ETS1: variants seen among roughly 807,000 people sequenced by gnomAD.
The protein encoded by ETS1 is ETS proto-oncogene 1, transcription factor.
A neutral mutation model predicts 58.6 loss-of-function variants in ETS1; 15 were observed. That is an observed-to-expected ratio of 0.26 (90% CI 0.17 to 0.39). The LOEUF is 0.39. Ranked by LOEUF, ETS1 falls within the 10% of genes least tolerant of loss-of-function variation. The pLI, the probability that ETS1 is intolerant of heterozygous loss-of-function variation, is 1.00. For missense variants in ETS1, 417 were observed against 610.5 expected (o/e 0.68, Z 3.34); for synonymous variants, 214 against 218.2 (o/e 0.98, Z 0.17).
intron 3 of ETS1, among the ~76,000 whole-genome samples, chr11:128,490,935 G>C (rs1376648335): frequency 1.3e-5 from 2 of 151,814 alleles, no homozygotes; most frequent in African/African-American, 4.8e-5. Context: ...GGCCAGGCTG[G>C]TCTCGAGCTC....
At chr11:128,559,375 G>C (rs184110398) in intron 2 of ETS1, among the ~76,000 whole-genome samples, 70 of 152,332 alleles carry the variant, frequency 4.6e-4, no homozygotes, top group Non-Finnish European at 1.2e-4. Context: ...CCATATTGTA[G>C]GTCAACTCAC....
At chr11:128,475,882 T>TTGTGTGTG (rs61450075) in intron 8 of ETS1, among the ~76,000 whole-genome samples, 21,624 of 149,780 alleles carry the variant, frequency 0.14, 1,978 homozygotes, top group East Asian at 0.43. Flanking sequence ...ACTAGTACCT[T>TTGTGTGTG]TGTGTGTGTG....
intron 7 of ETS1, among the ~76,000 whole-genome samples, chr11:128,481,409 T>TA (rs1862482205): frequency 7.9e-6 from 1 of 125,982 alleles, no homozygotes; most frequent in Non-Finnish European, 1.6e-5. Context: ...AAAATGCCAC[T>TA]AAAAAGGAGG....
intron 8 of ETS1, among the ~76,000 whole-genome samples, chr11:128,468,825 C>A (rs1336616832): frequency 1.3e-5 from 2 of 152,272 alleles, no homozygotes; most frequent in South Asian, 2.1e-4. Context: ...TAGCACAGTG[C>A]CTCACCAACA....
In ETS1 at chr11:128,462,568, C is replaced by T. The variant is rs779615012; in HGVS notation, c.1251G>A (p.Arg417=). The T allele has an allele frequency of 1.1e-5, 18 of 1,613,352 alleles. No homozygotes were observed. Among genetic ancestry groups the T allele is most frequent in the Non-Finnish European group, 1.4e-5 (17 of 1,179,428 alleles). Residue 417 remains arginine, a synonymous_variant, in exon 10 of 10, where the codon AGG becomes AGA. Coordinates refer to ENST00000392668, the MANE Select transcript of ETS1 (RefSeq NM_001143820.2). The part of the protein sequence containing the change: ...FKLSDPDEVA[R]RWGKRKNKPK... ...GTTTGTTTTTCCTCTTTCCCCATCT[C>T]CTGGCCACCTGAAATTTAAAAAGAA... is the stretch of plus-strand genomic sequence containing the variant.
rs576420774 is a variant in ETS1, at chr11:128,526,870, C to G, written c.214+29421G>C. 2.0e-4 allele frequency: 91 copies of G among 454,970 alleles called. 1 individual carries two copies. Among genetic ancestry groups the G allele is most frequent in the African/African-American group, 1.6e-3 (81 of 50,114 alleles). 28.2% of individuals were successfully genotyped at this position (454,970 alleles called of 1,614,324 possible). A position where few individuals can be genotyped will look rare whatever the true frequency, so the allele number is the denominator to read the frequency against. On this transcript the variant is annotated intron_variant, in intron 3 of 9. Transcript: ENST00000392668. ...GGGAGTTTATCAGTGCTCTCCAAGT[C>G]CAGCACTCCTATTTACCAGAGGTGA... is the stretch of plus-strand genomic sequence containing the variant.
chr11:128,498,554 G>A (rs1863003271), intron 3 of ETS1, among the ~76,000 whole-genome samples: 2 of 152,162 alleles, frequency 1.3e-5, no homozygotes, highest in Non-Finnish European at 2.9e-5. Flanking sequence ...CACCTAAGAT[G>A]CCTTTTGGTT....
chr11:128,531,118 C>G (rs1863890770), intron 3 of ETS1, among the ~76,000 whole-genome samples: 2 of 152,174 alleles, frequency 1.3e-5, no homozygotes, highest in South Asian at 4.1e-4. Context: ...TAAATTTAAA[C>G]TCTAAAATAA....
intron 3 of ETS1, among the ~76,000 whole-genome samples, chr11:128,522,615 C>A (rs993870803): frequency 6.6e-6 from 1 of 152,296 alleles, no homozygotes; most frequent in African/African-American, 2.4e-5. Flanking sequence ...CGGGAAGGGC[C>A]GGGAGCGGGT....
intron 7 of ETS1, among the ~76,000 whole-genome samples, chr11:128,482,451 A>G (rs1193817747): frequency 6.6e-6 from 1 of 152,228 alleles, no homozygotes; most frequent in African/African-American, 2.4e-5. Flanking sequence ...CATTTCTATC[A>G]GCCAATTTTA....
At chr11:128,574,513 T>A (rs1864703217) in intron 1 of ETS1, among the ~76,000 whole-genome samples, 1 of 152,158 alleles carries the variant, frequency 6.6e-6, no homozygotes, top group African/African-American at 2.4e-5. Flanking sequence ...AAGCTCAAAG[T>A]ACCCTAGGCC....
At chr11:128,572,798 T>C (rs1181029905) in intron 2 of ETS1, among the ~76,000 whole-genome samples, 1 of 152,246 alleles carries the variant, frequency 6.6e-6, no homozygotes, top group Admixed American at 6.5e-5. Context: ...GCTTTAACTG[T>C]TCATCATATT....
intron 3 of ETS1, among the ~76,000 whole-genome samples, chr11:128,540,809 G>A (rs1460410612): frequency 1.3e-5 from 2 of 152,316 alleles, no homozygotes; most frequent in African/African-American, 2.4e-5. Context: ...TGGGAGCCCC[G>A]TGTGGAGTCT....
chr11:128,568,352 G>C (rs1163660294), intron 2 of ETS1, among the ~76,000 whole-genome samples: 1 of 152,228 alleles, frequency 6.6e-6, no homozygotes, highest in East Asian at 1.9e-4. Flanking sequence ...GCTGTGAAGG[G>C]GAGAATGACG....
chr11:128,527,902 C>G (rs1301680895), intron 3 of ETS1, among the ~76,000 whole-genome samples: 1 of 152,246 alleles, frequency 6.6e-6, no homozygotes, highest in Admixed American at 6.5e-5. Context: ...CTTTTCCCCT[C>G]TCCCCACTAC....
At chr11:128,557,534 G>A (rs767383417) in intron 2 of ETS1, among the ~76,000 whole-genome samples, 1 of 152,150 alleles carries the variant, frequency 6.6e-6, no homozygotes, top group Non-Finnish European at 1.5e-5. Flanking sequence ...TAATTTAAGA[G>A]ATCCTTAACA....
At chr11:128,476,373 G>A (rs1239887309) in intron 8 of ETS1, among the ~76,000 whole-genome samples, 1 of 152,236 alleles carries the variant, frequency 6.6e-6, no homozygotes, top group Admixed American at 6.5e-5. Context: ...GCAGGCAACT[G>A]CAATAACCAA....
In ETS1 at chr11:128,585,156, GAAA is replaced by G. The variant is rs1565421806; in HGVS notation, c.-15+2329_-15+2331del. ...GAAAGAAAAGAAAGAAAGAAAGAAA[GAAA>G]GAAAGAAAGAGAAAGAAAGAAAGAA... On this transcript the variant is annotated intron_variant, in intron 1 of 9. Transcript: ENST00000392668. 1.0e-3 allele frequency among the ~76,000 whole-genome samples: 30 copies of G among 28,958 alleles called. 1 individual carries two copies. The highest frequency in any genetic ancestry group is 1.4e-3 in the Non-Finnish European group (24 of 16,932). 19.0% of individuals were successfully genotyped at this position (28,958 alleles called of 152,430 possible).
At chr11:128,508,058 T>A (rs1288193595) in intron 3 of ETS1, among the ~76,000 whole-genome samples, 1 of 152,224 alleles carries the variant, frequency 6.6e-6, no homozygotes, top group African/African-American at 2.4e-5. Context: ...TAACTCACGT[T>A]CGGTAAGAAT....
Sources: gnomAD v4.1 joint callset for allele counts (sites outside exome capture counted in the v4.1 genomes callset) on GRCh38, gnomAD v4.1.1 for gene constraint, MANE v1.5 for transcripts, NCBI Gene and HGNC (gene_info 2026-07-23, HGNC 2026-07-21) for gene names.